The following KYAT3 variants were observed in gnomAD, a reference collection of about 807,000 sequenced individuals.
KYAT3 encodes kynurenine aminotransferase 3.
A neutral mutation model predicts 59.0 loss-of-function variants in KYAT3; 50 were observed. The ratio of observed to expected loss-of-function variants is 0.85; its 90% confidence interval spans 0.68 to 1.07. The LOEUF (loss-of-function observed/expected upper bound fraction) is 1.07. Ranked by LOEUF, KYAT3 falls within the 50% of genes least tolerant of loss-of-function variation. The probability of loss-of-function intolerance (pLI) is 0.00; values close to 1 mark genes in which losing one functional copy is unlikely to be tolerated. For missense variants in KYAT3, 497 were observed against 533.3 expected (o/e 0.93, Z 0.67); for synonymous variants, 148 against 177.0 (o/e 0.84, Z 1.30).
At chr1:88,946,361 C>T (rs1373393352) in intron 11 of KYAT3, among the ~76,000 whole-genome samples, 1 of 150,686 alleles carries the variant, frequency 6.6e-6, no homozygotes, top group Non-Finnish European at 1.5e-5. Context: ...CAGGATCTCA[C>T]TATGTTGCCC....
chr1:88,942,980 GT>G, intron 13 of KYAT3, 24 bp downstream of exon 13: 5 of 1,491,292 alleles, frequency 3.4e-6, no homozygotes, highest in Non-Finnish European at 4.7e-6. Flanking sequence ...CTATATATGT[GT>G]TTTCAATAGA....
At chr1:88,929,128 C>T in the KYAT3 span, among the ~76,000 whole-genome samples, 1 of 152,026 alleles carries the variant, frequency 6.6e-6, no homozygotes, top group Non-Finnish European at 1.5e-5. Flanking sequence ...CTTTCCCTAC[C>T]AAAGGCAGTA....
intron 2 of KYAT3, among the ~76,000 whole-genome samples, chr1:88,974,633 G>T (rs1570819293): frequency 6.6e-6 from 1 of 151,956 alleles, no homozygotes; most frequent in East Asian, 1.9e-4. Flanking sequence ...TTCCTGGGTC[G>T]AGTGGGGACT....
chr1:88,974,928 C>T (rs1019642805), intron 2 of KYAT3, among the ~76,000 whole-genome samples: 2 of 152,122 alleles, frequency 1.3e-5, no homozygotes, highest in Admixed American at 1.3e-4. Flanking sequence ...GTGGGCAGGG[C>T]CAAATAAGGG....
At chr1:88,963,443 A>G (rs142634859) in intron 5 of KYAT3, among the ~76,000 whole-genome samples, 3 of 152,218 alleles carry the variant, frequency 2.0e-5, no homozygotes, top group Non-Finnish European at 2.9e-5. Flanking sequence ...TTGTAAAAGA[A>G]TAACATAACA....
chr1:88,969,363 A>T, intron 3 of KYAT3, 46 bp downstream of exon 3: 1 of 1,169,280 alleles, frequency 8.6e-7, no homozygotes, highest in South Asian at 1.3e-5. Context: ...ATACGAAAAT[A>T]TGTAGGAAAC....
chr1:88,975,183 A>G (rs1463120647), intron 2 of KYAT3, among the ~76,000 whole-genome samples: 1 of 152,194 alleles, frequency 6.6e-6, no homozygotes, highest in African/African-American at 2.4e-5. Flanking sequence ...AACTCCAGAC[A>G]CACCATCTTT....
rs776157333 is a variant in KYAT3 at position 88,961,518 on chromosome 1, G to T, written c.541-12C>A. ...CCATAAACAGGTTTCTAAGCATGAA[G>T]AATGAAGATATAATTTAATTCAATT... On this transcript the variant is annotated splice_polypyrimidine_tract_variant and intron_variant, in intron 6 of 13. Transcript: ENST00000260508. 1 of 1,602,028 alleles carries T rather than the reference G, an allele frequency of 6.2e-7. No individual in the cohort carries two copies. Among genetic ancestry groups the T allele is most frequent in the Non-Finnish European group, 8.5e-7 (1 of 1,172,634 alleles).
chr1:88,964,808 C>T (rs778493145), intron 5 of KYAT3, 21 bp downstream of exon 5: 54 of 1,545,728 alleles, frequency 3.5e-5, no homozygotes, highest in East Asian at 9.1e-5. Context: ...ATGGGTATTA[C>T]GATAATGTTA....
intron 4 of KYAT3, among the ~76,000 whole-genome samples, chr1:88,967,758 A>T (rs1185301929): frequency 1.3e-5 from 2 of 152,122 alleles, no homozygotes; most frequent in Admixed American, 1.3e-4. Context: ...TTCATTCTTC[A>T]TATGGTACTT....
At position 88,953,047 on chromosome 1, in the gene KYAT3, T is replaced by C. The variant is rs756574141; in HGVS notation, c.954+16A>G. The stretch of plus-strand genomic sequence containing the variant: ...CAAAAGACAATGCTTCTACCCTGAG[T>C]TACTATAACACTTACCTGTAAAGGA... On this transcript the variant is annotated intron_variant, in intron 10 of 13. Coordinates refer to ENST00000260508, the MANE Select transcript of KYAT3 (RefSeq NM_001008661.3). 6.7e-7 allele frequency: 1 copy of C among 1,487,014 alleles called. No individual in the cohort carries two copies. Among genetic ancestry groups the C allele is most frequent in the Admixed American group, 1.7e-5 (1 of 59,630 alleles). 92.1% of individuals were successfully genotyped at this position (1,487,014 alleles called of 1,614,324 possible).
At chr1:88,983,493 C>G (rs373127456) in intron 2 of KYAT3, 5 of 1,614,168 alleles carry the variant, frequency 3.1e-6, no homozygotes, top group Non-Finnish European at 3.4e-6. Flanking sequence ...CCTCCTCTTC[C>G]AGCTCCAAAA....
chr1:88,951,239 C>CT (rs908779781), intron 10 of KYAT3, among the ~76,000 whole-genome samples: 113 of 144,454 alleles, frequency 7.8e-4, no homozygotes, highest in Middle Eastern at 3.5e-3. Context: ...TCTTTCTTTT[C>CT]TTTTTTTTTT....
intron 8 of KYAT3, among the ~76,000 whole-genome samples, chr1:88,957,713 T>G (rs922735786): frequency 4.6e-5 from 7 of 152,218 alleles, no homozygotes; most frequent in African/African-American, 1.7e-4. Context: ...CCAGTTATGC[T>G]TTACCCTGAA....
At position 88,961,303 on chromosome 1, in the gene KYAT3, G is replaced by A; in HGVS notation, c.667-16C>T. 6.2e-7 allele frequency: 1 copy of A among 1,613,548 alleles called. No individual in the cohort carries two copies. Among genetic ancestry groups the A allele is most frequent in the Non-Finnish European group, 8.5e-7 (1 of 1,179,842 alleles). On this transcript the variant is annotated splice_polypyrimidine_tract_variant and intron_variant, in intron 7 of 13. Coordinates refer to ENST00000260508, the MANE Select transcript of KYAT3 (RefSeq NM_001008661.3). The stretch of plus-strand genomic sequence containing the variant: ...TGTTATACACCTACACATAATAAAG[G>A]AAAGAGCACAGCCAATTATTCAACA...
Position 88,945,509 on chromosome 1 carries a change from T to C in KYAT3, c.1142-2086A>G, listed in dbSNP as rs1254847218. ...TAGTTGATTAACTTCAGTAAATTAC[T>C]TGATTCTCTATCTCCTCTTCTCTAT... On this transcript the variant is annotated intron_variant, in intron 11 of 13. Coordinates refer to ENST00000260508, the MANE Select transcript of KYAT3 (RefSeq NM_001008661.3). Among the ~76,000 whole-genome samples, 5 of 152,366 alleles carry C rather than the reference T, an allele frequency of 3.3e-5. No homozygotes were observed. The South Asian group carries it at 6.2e-4, about 19-fold the overall frequency.
chr1:88,940,792 T>G (rs1301330647), intron 13 of KYAT3, among the ~76,000 whole-genome samples: 1 of 152,236 alleles, frequency 6.6e-6, no homozygotes, highest in East Asian at 1.9e-4. Context: ...CATGACTGTA[T>G]GTTTTTGCCG....
At chr1:88,983,738 T>G in intron 2 of KYAT3, 1 of 1,614,084 alleles carries the variant, frequency 6.2e-7, no homozygotes, top group Non-Finnish European at 8.5e-7. Context: ...TCGTCCATAT[T>G]TGCCAAATAC....
intron 13 of KYAT3, among the ~76,000 whole-genome samples, chr1:88,942,142 T>C (rs1478237157): frequency 6.6e-6 from 1 of 152,192 alleles, no homozygotes; most frequent in African/African-American, 2.4e-5. Context: ...TCAGATTGGA[T>C]AATTTCTATT....
Sources: allele counts gnomAD v4.1 joint callset (sites outside exome capture counted in the v4.1 genomes callset), GRCh38; gene constraint gnomAD v4.1.1; transcripts MANE v1.5; gene names NCBI Gene and HGNC (gene_info 2026-07-23, HGNC 2026-07-21).